MALT1: variants seen among roughly 807,000 people sequenced by gnomAD.
MALT1 encodes MALT1 paracaspase, also known as mucosa-associated lymphoid tissue lymphoma translocation protein 1.
In MALT1, 36 loss-of-function variants were observed where a neutral mutation model predicts 85.5. The ratio of observed to expected loss-of-function variants is 0.42; its 90% CI spans 0.32 to 0.56. The LOEUF (loss-of-function observed/expected upper bound fraction) is 0.56, where lower values mean the gene tolerates loss of function less well. MALT1 is among the 20% of genes least tolerant of loss of function. The pLI is 0.10. For missense variants in MALT1, 716 were observed against 981.6 expected (o/e 0.73, Z 3.62); for synonymous variants, 359 against 361.3 (o/e 0.99, Z 0.07).
chr18:58,671,796 C>A lies in MALT1; in HGVS notation c.153C>A (p.Gly51=). 1 of 1,250,674 alleles carries A rather than the reference C, an allele frequency of 8.0e-7. No individual in the cohort carries two copies. The highest frequency in any genetic ancestry group is 3.1e-5 in the South Asian group (1 of 32,584). The allele number at this position is 1,250,674 out of a possible 1,614,324, so 77.5% of individuals were successfully genotyped here. A position where few individuals can be genotyped will look rare whatever the true frequency, so the allele number is the denominator to read the frequency against. ...LSELLDQAPE[G]RGWRRLAELA... ...AGCTCCTGGATCAGGCGCCCGAGGG[C>A]CGGGGCTGGAGGAGACTGGCGGAGC... is the stretch of plus-strand genomic sequence containing the variant. The change falls in exon 1 of 17, where the codon GGC becomes GGA. Residue 51 remains glycine, a synonymous_variant. Transcript: ENST00000649217.
Position 58,747,825 on chromosome 18 carries a change from A to C in MALT1, c.2458A>C (p.Arg820=). The C allele has an allele frequency of 1.2e-6, 2 of 1,612,116 alleles. No homozygotes were observed. Among genetic ancestry groups the C allele is most frequent in the Non-Finnish European group, 1.7e-6 (2 of 1,178,442 alleles). ...ACCATTTAGTTTCTCTGACAGGCTC[A>C]GAATTTCTGAAAAATGACCTCCTTG... ...EIPFSFSDRL[R]ISEK Residue 820 remains arginine (R), a synonymous_variant, in exon 17 of 17, where the codon AGA becomes CGA. Coordinates refer to ENST00000649217, the MANE Select transcript of MALT1 (RefSeq NM_006785.4).
rs755020310 is a variant in MALT1 at position 58,749,059 on chromosome 18, A to G, written c.*1217A>G. ...CAGCAACCTATAAAAAGGATTCTAT[A>G]TCATGACCAAGTGGAATTTATCCCA... On this transcript the variant is annotated 3_prime_UTR_variant, in exon 17 of 17. Transcript: ENST00000649217. 1.4e-5 allele frequency: 3 copies of G among 214,400 alleles called. No individual in the cohort carries two copies. The highest frequency in any genetic ancestry group is 1.9e-4 in the South Asian group (1 of 5,362). 13.3% of individuals were successfully genotyped at this position (214,400 alleles called of 1,614,324 possible).
chr18:58,671,609 G>A lies in MALT1; in HGVS notation c.-35G>A, dbSNP rs545006385. 1.7e-3 allele frequency: 2,084 copies of A among 1,199,126 alleles called. 3 individuals carry two copies. Among genetic ancestry groups the A allele is most frequent in the Middle Eastern group, 8.5e-3 (26 of 3,074 alleles). 74.3% of individuals were successfully genotyped at this position (1,199,126 alleles called of 1,614,324 possible). On this transcript the variant is annotated 5_prime_UTR_variant, in exon 1 of 17. Coordinates refer to ENST00000649217, the MANE Select transcript of MALT1 (RefSeq NM_006785.4). ...GCCGAGGCCCGTGACGGGGCGGGCG[G>A]GAGCCCCGGCAGTCCGGGGTCGCCG... is the stretch of plus-strand genomic sequence containing the variant.
intron 6 of MALT1, 101 bp from the exon 7 acceptor site, chr18:58,710,820 G>A: frequency 4.2e-6 from 3 of 712,178 alleles, no homozygotes; most frequent in Non-Finnish European, 7.2e-6. Flanking sequence ...GTGTTGGTTT[G>A]CCAACATTAT....
At chr18:58,725,007 G>C (rs966438788) in intron 10 of MALT1, among the ~76,000 whole-genome samples, 3 of 151,918 alleles carry the variant, frequency 2.0e-5, no homozygotes, top group Non-Finnish European at 2.9e-5. Flanking sequence ...GCAGTCATCT[G>C]TAATCCCAGC....
rs28740963 is a variant in MALT1, at chr18:58,733,594, T to C, written c.1400+20T>C. The C allele has an allele frequency of 0.24, 359,748 of 1,525,124 alleles. 43,763 individuals are homozygous for C. The highest frequency in any genetic ancestry group is 0.33 in the Middle Eastern group (1,816 of 5,562). 94.5% of individuals were successfully genotyped at this position (1,525,124 alleles called of 1,614,324 possible). A position where few individuals can be genotyped will look rare whatever the true frequency, so the allele number is the denominator to read the frequency against. ...GAAAAGGTAAGTTTTCTAATCTTTA[T>C]TAAAGAATTGTTGGAGTTAAATATC... On this transcript the variant is annotated intron_variant, in intron 11 of 16. Coordinates refer to ENST00000649217, the MANE Select transcript of MALT1 (RefSeq NM_006785.4).
chr18:58,689,459 A>ATT (rs1410913068), intron 2 of MALT1, among the ~76,000 whole-genome samples: 1 of 152,210 alleles, frequency 6.6e-6, no homozygotes, highest in Non-Finnish European at 1.5e-5. Flanking sequence ...TTCTGTTATT[A>ATT]TTATATATAT....
chr18:58,677,282 T>TG (rs149640534), intron 1 of MALT1, among the ~76,000 whole-genome samples: 19,210 of 152,040 alleles, frequency 0.13, 1,934 homozygotes, highest in African/African-American at 0.29. Context: ...TTTGTTCTTT[T>TG]GGGGGGGAAG....
At chr18:58,685,695 C>T (rs1170363996) in intron 2 of MALT1, among the ~76,000 whole-genome samples, 2 of 152,202 alleles carry the variant, frequency 1.3e-5, no homozygotes, top group Non-Finnish European at 2.9e-5. Flanking sequence ...AGCATTTCCA[C>T]TGCACATGGG....
intron 3 of MALT1, among the ~76,000 whole-genome samples, chr18:58,698,160 C>A (rs565702048): frequency 6.6e-6 from 1 of 151,366 alleles, no homozygotes; most frequent in South Asian, 2.1e-4. Flanking sequence ...TCCACCTCCC[C>A]GGTTCAAACG....
At chr18:58,689,213 G>C (rs1010193713) in intron 2 of MALT1, among the ~76,000 whole-genome samples, 1 of 149,778 alleles carries the variant, frequency 6.7e-6, no homozygotes, top group African/African-American at 2.5e-5. Context: ...CCTTTAAAAG[G>C]CAAGAAAACC....
chr18:58,730,379 GA>G (rs2055130551), intron 10 of MALT1, among the ~76,000 whole-genome samples: 1 of 152,116 alleles, frequency 6.6e-6, no homozygotes. Context: ...GCCTATTCTG[GA>G]CATTTCATAT....
At chr18:58,722,351 T>C (rs953578863) in intron 9 of MALT1, among the ~76,000 whole-genome samples, 1 of 152,206 alleles carries the variant, frequency 6.6e-6, no homozygotes, top group African/African-American at 2.4e-5. Context: ...TCTATCAGAA[T>C]ACATTATCTT....
At chr18:58,728,502 G>A (rs1254782014) in intron 10 of MALT1, among the ~76,000 whole-genome samples, 1 of 152,020 alleles carries the variant, frequency 6.6e-6, no homozygotes, top group Non-Finnish European at 1.5e-5. Context: ...CTACTTGGGA[G>A]GCTAAGGTGG....
chr18:58,734,241 A>T, intron 11 of MALT1, 66 bp from the exon 12 acceptor site: 2 of 1,220,292 alleles, frequency 1.6e-6, no homozygotes, highest in Non-Finnish European at 1.2e-6. Flanking sequence ...CATTATTTAT[A>T]CCCTTTTAAG....
At chr18:58,673,980 A>G (rs1300536143) in intron 1 of MALT1, 1 of 152,170 alleles carries the variant, frequency 6.6e-6, no homozygotes, top group Admixed American at 6.5e-5. Context: ...TGCTAGGTAC[A>G]TAAAATTTTG....
rs1170636643 is a variant in MALT1, at chr18:58,749,155, TAATTATGTTCTACAG to T, written c.*1317_*1331del. On this transcript the variant is annotated 3_prime_UTR_variant, in exon 17 of 17. Transcript: ENST00000649217. ...TACAGTCAGTTCTCATTATTCACAG[TAATTATGTTCTACAG>T]AATATTCTCCCATAAACACTGAATT... is the stretch of plus-strand genomic sequence containing the variant. The T allele has an allele frequency of 1.4e-5, 3 of 218,020 alleles. No individual in the cohort carries two copies. The highest frequency in any genetic ancestry group is 2.8e-5 in the Non-Finnish European group (3 of 108,656). 13.5% of individuals were successfully genotyped at this position (218,020 alleles called of 1,614,324 possible).
In MALT1 at chr18:58,723,178, G is replaced by A; in HGVS notation, c.1149G>A (p.Leu383=). Residue 383 remains leucine, a synonymous_variant, in exon 10 of 17, where the codon CTG becomes CTA. Coordinates refer to ENST00000649217, the MANE Select transcript of MALT1 (RefSeq NM_006785.4). ...LRQLDFKVVS[L]LDLTEYEMRN... ...AGCTGGACTTCAAAGTGGTTTCACT[G>A]TTGGATCTTACTGAATATGAGATGC... 2 of 1,613,952 alleles carry A rather than the reference G, an allele frequency of 1.2e-6. No individual in the cohort carries two copies. The highest frequency in any genetic ancestry group is 1.7e-6 in the Non-Finnish European group (2 of 1,179,886).
In MALT1 at chr18:58,671,816, C is replaced by T; in HGVS notation, c.173C>T (p.Ala58Val). Residue 58 changes from alanine (A) to valine (V), a missense_variant, in exon 1 of 17, where the codon GCG becomes GTG. Physicochemically the swap from Ala to Val is moderately conservative, Grantham distance 64. This residue lies in a region of MALT1 where 290 missense variants were observed against 380.5 expected (regional missense o/e 0.76). Transcript: ENST00000649217. ...GAGGGCCGGGGCTGGAGGAGACTGGCGGAGCTGGCGGGGAGTCGCGGGCGC... is the reference window on the plus strand; with the variant it reads ...GAGGGCCGGGGCTGGAGGAGACTGGTGGAGCTGGCGGGGAGTCGCGGGCGC... ...APEGRGWRRL[A>V]ELAGSRGRLR... 1 of 1,235,602 alleles carries T rather than the reference C, an allele frequency of 8.1e-7. No homozygotes were observed. Among genetic ancestry groups the T allele is most frequent in the East Asian group, 3.2e-5 (1 of 30,814 alleles). 76.5% of individuals were successfully genotyped at this position (1,235,602 alleles called of 1,614,324 possible).
Sources: gnomAD v4.1 joint callset for allele counts (sites outside exome capture counted in the v4.1 genomes callset) on GRCh38, gnomAD v4.1.1 for gene constraint, gnomAD v4.1.1 regional missense constraint, MANE v1.5 for transcripts, NCBI Gene and HGNC (gene_info 2026-07-23, HGNC 2026-07-21) for gene names.